Variants in OPRD1 observed in about 807,000 individuals in gnomAD.
OPRD1 encodes delta-type opioid receptor.
A neutral mutation model predicts 17.5 loss-of-function variants in OPRD1; 19 were observed. That is an observed-to-expected ratio of 1.09 (90% CI 0.76 to 1.60). The LOEUF (loss-of-function observed/expected upper bound fraction) is 1.60. OPRD1 is among the 40% of genes most tolerant of loss of function. The pLI, the probability that OPRD1 is intolerant of heterozygous loss-of-function variation, is 0.00. For synonymous variants in OPRD1, 256 were observed against 240.9 expected (o/e 1.06, Z -0.58); for missense variants, 483 against 547.2 (o/e 0.88, Z 1.17).
chr1:28,854,330 G>A (rs1397573255), intron 1 of OPRD1, among the ~76,000 whole-genome samples: 1 of 151,972 alleles, frequency 6.6e-6, no homozygotes, highest in Non-Finnish European at 1.5e-5. Flanking sequence ...AGGATCAAGT[G>A]TTCCTCCTTC....
chr1:28,852,180 A>G (rs1049738532), intron 1 of OPRD1, among the ~76,000 whole-genome samples: 6 of 151,208 alleles, frequency 4.0e-5, no homozygotes, highest in African/African-American at 4.8e-5. Flanking sequence ...AAAAAAAAAA[A>G]AAAAAAGAAA....
chr1:28,836,029 A>T (rs1168120880), intron 1 of OPRD1, among the ~76,000 whole-genome samples: 1 of 152,212 alleles, frequency 6.6e-6, no homozygotes, highest in East Asian at 1.9e-4. Flanking sequence ...CTCTACCCAG[A>T]CATCTCTCCT....
chr1:28,869,786 C>A lies in OPRD1; in HGVS notation c.*6503C>A, dbSNP rs1474792250. ...ATCCAGCTCACAGTCACAGGCTGAG[C>A]ATTCCCTGTGCTGGGTTCTGTACCT... On this transcript the variant is annotated 3_prime_UTR_variant, in exon 3 of 3. Coordinates refer to ENST00000234961, the MANE Select transcript of OPRD1 (RefSeq NM_000911.4). 6.6e-6 allele frequency: 1 copy of A among 152,218 alleles called. No individual in the cohort carries two copies. Among genetic ancestry groups the A allele is most frequent in the Non-Finnish European group, 1.5e-5 (1 of 68,058 alleles). 9.4% of individuals were successfully genotyped at this position (152,218 alleles called of 1,614,324 possible). A position where few individuals can be genotyped will look rare whatever the true frequency, so the allele number is the denominator to read the frequency against.
At chr1:28,849,347 G>T (rs946674088) in intron 1 of OPRD1, among the ~76,000 whole-genome samples, 1 of 152,154 alleles carries the variant, frequency 6.6e-6, no homozygotes, top group African/African-American at 2.4e-5. Flanking sequence ...TGAGAGATGG[G>T]GAGATTATTT....
At chr1:28,852,028 G>A (rs1166988573) in intron 1 of OPRD1, among the ~76,000 whole-genome samples, 6 of 151,448 alleles carry the variant, frequency 4.0e-5, no homozygotes, top group South Asian at 4.2e-4. Context: ...TTAGCCAGGC[G>A]TGGTGGCGGG....
Position 28,823,978 on chromosome 1 carries a change from G to C in OPRD1, c.227+11368G>C, listed in dbSNP as rs2088740085. On this transcript the variant is annotated intron_variant, in intron 1 of 2. Coordinates refer to ENST00000234961, the MANE Select transcript of OPRD1 (RefSeq NM_000911.4). The stretch of plus-strand genomic sequence containing the variant: ...GGATCATTTGAGGTCAGGAGTTTGA[G>C]ACCAGCCTGGCCAACATGGTGAAAC... Among the ~76,000 whole-genome samples the C allele has an allele frequency of 7.9e-5, 11 of 140,042 alleles. No individual in the cohort carries two copies. The South Asian group carries it at 2.8e-3, about 35-fold the overall frequency. 91.9% of individuals were successfully genotyped at this position (140,042 alleles called of 152,430 possible). A position where few individuals can be genotyped will look rare whatever the true frequency, so the allele number is the denominator to read the frequency against.
At chr1:28,821,495 C>T (rs535557530) in intron 1 of OPRD1, among the ~76,000 whole-genome samples, 2 of 152,244 alleles carry the variant, frequency 1.3e-5, no homozygotes, top group East Asian at 3.9e-4. Context: ...ACCTTGGCCT[C>T]CGAAAGTGCT....
At chr1:28,832,033 C>T (rs1325031348) in intron 1 of OPRD1, among the ~76,000 whole-genome samples, 1 of 152,134 alleles carries the variant, frequency 6.6e-6, no homozygotes, top group Non-Finnish European at 1.5e-5. Context: ...AGTGGCAGAG[C>T]CAGCCTTTGA....
At chr1:28,845,157 A>G (rs1468844895) in intron 1 of OPRD1, among the ~76,000 whole-genome samples, 1 of 151,854 alleles carries the variant, frequency 6.6e-6, no homozygotes. Flanking sequence ...AGCCTTACCA[A>G]TATGGTGAAA....
Position 28,837,199 on chromosome 1 carries a change from C to G in OPRD1, c.228-21755C>G, listed in dbSNP as rs187011190. 9.2e-3 allele frequency among the ~76,000 whole-genome samples: 1,394 copies of G among 152,204 alleles called. 15 individuals carry two copies. Among genetic ancestry groups the G allele is most frequent in the African/African-American group, 0.029 (1,221 of 41,536 alleles). ...TGCATATGTAGTTCACAGTAGGGTT[C>G]ACGCTCCTATGAGAATCTAATGCCA... is the stretch of plus-strand genomic sequence containing the variant. On this transcript the variant is annotated intron_variant, in intron 1 of 2. Coordinates refer to ENST00000234961, the MANE Select transcript of OPRD1 (RefSeq NM_000911.4).
chr1:28,827,221 G>A (rs965505659), intron 1 of OPRD1, among the ~76,000 whole-genome samples: 2 of 152,190 alleles, frequency 1.3e-5, no homozygotes, highest in African/African-American at 2.4e-5. Flanking sequence ...GCTGAAGTCC[G>A]GGAGGCAGAG....
chr1:28,820,375 A>G (rs183182826), intron 1 of OPRD1, among the ~76,000 whole-genome samples: 119 of 151,798 alleles, frequency 7.8e-4, no homozygotes, highest in Non-Finnish European at 1.3e-3. Flanking sequence ...TTGTATTTTT[A>G]GTAGAGATGG....
chr1:28,853,480 T>TA (rs1236571359), intron 1 of OPRD1, among the ~76,000 whole-genome samples: 1 of 152,256 alleles, frequency 6.6e-6, no homozygotes, highest in East Asian at 1.9e-4. Flanking sequence ...TATTTAGGCA[T>TA]AGCCTTGCTT....
intron 1 of OPRD1, among the ~76,000 whole-genome samples, chr1:28,822,962 G>A (rs933995472): frequency 6.6e-6 from 1 of 152,108 alleles, no homozygotes; most frequent in Non-Finnish European, 1.5e-5. Context: ...ACATGCACAG[G>A]AAGAGGGATA....
intron 1 of OPRD1, among the ~76,000 whole-genome samples, chr1:28,855,320 G>A (rs746272104): frequency 1.4e-4 from 21 of 152,240 alleles, no homozygotes; most frequent in African/African-American, 3.9e-4. Context: ...AGGTGGGAGC[G>A]GGCTTGACGT....
chr1:28,812,335 C>T lies in OPRD1; in HGVS notation c.-49C>T, dbSNP rs1419270576. ...CCGCTCCCCTCGCGTCGGATCCCCG[C>T]GCCCAGGGCGCACGGTGGAGAGGGA... is the stretch of plus-strand genomic sequence containing the variant. On this transcript the variant is annotated 5_prime_UTR_variant, in exon 1 of 3. Transcript: ENST00000234961. 1.6e-6 allele frequency: 2 copies of T among 1,236,782 alleles called. No homozygotes were observed. The highest frequency in any genetic ancestry group is 3.2e-5 in the African/African-American group (2 of 63,452). The allele number at this position is 1,236,782 out of a possible 1,614,324, so 76.6% of individuals were successfully genotyped here.
chr1:28,828,818 T>A (rs1440308333), intron 1 of OPRD1, among the ~76,000 whole-genome samples: 1 of 151,588 alleles, frequency 6.6e-6, no homozygotes, highest in Non-Finnish European at 1.5e-5. Context: ...AGTGAAACAC[T>A]GTCTCTACTA....
At chr1:28,823,992 A>G (rs571745004) in intron 1 of OPRD1, among the ~76,000 whole-genome samples, 2 of 151,306 alleles carry the variant, frequency 1.3e-5, no homozygotes, top group South Asian at 4.2e-4. Context: ...AGCCTGGCCA[A>G]CATGGTGAAA....
At chr1:28,823,318 T>A (rs550444011) in intron 1 of OPRD1, among the ~76,000 whole-genome samples, 2 of 147,572 alleles carry the variant, frequency 1.4e-5, no homozygotes, top group East Asian at 4.2e-4. Context: ...TGCCTCAGCC[T>A]CCCAAGTAGC....
Sources: gnomAD v4.1 joint callset for allele counts (sites outside exome capture counted in the v4.1 genomes callset) on GRCh38, gnomAD v4.1.1 for gene constraint, MANE v1.5 for transcripts, NCBI Gene and HGNC (gene_info 2026-07-23, HGNC 2026-07-21) for gene names.